Variants in IKZF3 observed in about 807,000 individuals in gnomAD.
The protein encoded by IKZF3 is zinc finger protein Aiolos.
Under a neutral mutation model 49.0 loss-of-function variants are expected in IKZF3, and 10 were observed. The observed-to-expected ratio is 0.20, with a 90% CI of 0.13 to 0.35. The LOEUF (loss-of-function observed/expected upper bound fraction) is 0.35. Ranked by LOEUF, IKZF3 falls within the 10% of genes least tolerant of loss-of-function variation. The pLI, the probability that IKZF3 is intolerant of heterozygous loss-of-function variation, is 1.00. For missense variants in IKZF3, 498 were observed against 664.8 expected (o/e 0.75, Z 2.76); for synonymous variants, 209 against 228.2 (o/e 0.92, Z 0.76).
intron 1 of IKZF3, among the ~76,000 whole-genome samples, chr17:39,839,893 T>G (rs987693931): frequency 2.6e-5 from 4 of 152,160 alleles, no homozygotes; most frequent in African/African-American, 9.7e-5. Context: ...CTCCTGGCCT[T>G]AAGGTAATCT....
At chr17:39,828,670 C>T (rs141336127) in intron 3 of IKZF3, among the ~76,000 whole-genome samples, 1 of 152,058 alleles carries the variant, frequency 6.6e-6, no homozygotes, top group African/African-American at 2.4e-5. Context: ...GTAACCTGTG[C>T]GGTCTACGCA....
intron 3 of IKZF3, among the ~76,000 whole-genome samples, chr17:39,812,574 C>T (rs2061584836): frequency 6.6e-6 from 1 of 152,200 alleles, no homozygotes; most frequent in Non-Finnish European, 1.5e-5. Context: ...TCTGGCACAC[C>T]ACTGGGACTC....
At chr17:39,855,539 CTA>C (rs1286628069) in intron 1 of IKZF3, among the ~76,000 whole-genome samples, 2 of 152,208 alleles carry the variant, frequency 1.3e-5, no homozygotes, top group Non-Finnish European at 2.9e-5. Flanking sequence ...CAATGGATAT[CTA>C]TAGAGTCCTT....
chr17:39,796,980 T>C (rs62074921), intron 3 of IKZF3, among the ~76,000 whole-genome samples: 150,796 of 151,050 alleles, frequency 1, 75,271 homozygotes, highest in Middle Eastern at 1. Flanking sequence ...CTGACTAACA[T>C]GGTGAAACCC....
At chr17:39,768,996 C>T (rs1284937079) in intron 7 of IKZF3, among the ~76,000 whole-genome samples, 1 of 152,160 alleles carries the variant, frequency 6.6e-6, no homozygotes, top group Non-Finnish European at 1.5e-5. Context: ...AGACAACTGG[C>T]ATCAAATTAA....
chr17:39,849,933 C>A (rs976508380), intron 1 of IKZF3, among the ~76,000 whole-genome samples: 2 of 150,970 alleles, frequency 1.3e-5, no homozygotes, highest in African/African-American at 2.4e-5. Context: ...GTAAACTGAT[C>A]CAACCACTTT....
intron 3 of IKZF3, among the ~76,000 whole-genome samples, chr17:39,807,796 T>C (rs1212304821): frequency 6.6e-6 from 1 of 152,114 alleles, no homozygotes; most frequent in Non-Finnish European, 1.5e-5. Context: ...ATATTACATA[T>C]GGTATTATTC....
chr17:39,830,277 G>C (rs1261732764), intron 2 of IKZF3, among the ~76,000 whole-genome samples: 1 of 152,148 alleles, frequency 6.6e-6, no homozygotes, highest in Non-Finnish European at 1.5e-5. Flanking sequence ...TGATTCTGTG[G>C]AAAACATATT....
chr17:39,816,183 A>G (rs1598096834), intron 3 of IKZF3, among the ~76,000 whole-genome samples: 4 of 152,296 alleles, frequency 2.6e-5, no homozygotes, highest in South Asian at 4.1e-4. Flanking sequence ...TAGTCTACAT[A>G]TGGTTTTATT....
At position 39,759,650 on chromosome 17, in the gene IKZF3, T is replaced by G. The variant is rs2060135952; in HGVS notation, c.*6140A>C. 1 of 152,232 alleles carries G rather than the reference T, an allele frequency of 6.6e-6. No individual in the cohort carries two copies. The highest frequency in any genetic ancestry group is 2.4e-5 in the African/African-American group (1 of 41,436). 9.4% of individuals were successfully genotyped at this position (152,232 alleles called of 1,614,324 possible). On this transcript the variant is annotated 3_prime_UTR_variant, in exon 8 of 8. Coordinates refer to ENST00000346872, the MANE Select transcript of IKZF3 (RefSeq NM_012481.5). ...GTCAGGAGTCCTGAACCCTGGCTTA[T>G]TCTCAGAACCATTCAGTCGTGCTGC...
At chr17:39,808,723 C>G (rs1426657860) in intron 3 of IKZF3, among the ~76,000 whole-genome samples, 1 of 152,156 alleles carries the variant, frequency 6.6e-6, no homozygotes, top group African/African-American at 2.4e-5. Context: ...ATTATCTTTT[C>G]TTTACAGTCT....
intron 1 of IKZF3, among the ~76,000 whole-genome samples, chr17:39,854,237 A>G (rs542408878): frequency 2.3e-4 from 35 of 152,328 alleles, no homozygotes; most frequent in African/African-American, 8.2e-4. Context: ...AGAAGACAGA[A>G]TAAGGTAGAT....
intron 7 of IKZF3, among the ~76,000 whole-genome samples, chr17:39,767,756 C>T (rs1313294057): frequency 3.3e-5 from 5 of 151,996 alleles, no homozygotes; most frequent in Non-Finnish European, 7.4e-5. Context: ...ATATAGAACT[C>T]GAGAAAAAGT....
intron 4 of IKZF3, among the ~76,000 whole-genome samples, chr17:39,791,830 G>C (rs1251149172): frequency 6.6e-6 from 1 of 150,998 alleles, no homozygotes; most frequent in Non-Finnish European, 1.5e-5. Context: ...AACAAGAGCA[G>C]CTCTAGAAGT....
intron 1 of IKZF3, among the ~76,000 whole-genome samples, chr17:39,863,845 C>T (rs770104517): frequency 1.3e-5 from 2 of 152,296 alleles, no homozygotes; most frequent in Admixed American, 6.5e-5. Context: ...CCCTTAAGTG[C>T]TCTTCCTCTG....
chr17:39,831,681 C>T (rs772830014), intron 2 of IKZF3, among the ~76,000 whole-genome samples: 11 of 152,078 alleles, frequency 7.2e-5, no homozygotes, highest in East Asian at 1.9e-4. Flanking sequence ...AAAAATAATA[C>T]GTGACAGAGA....
chr17:39,835,999 C>T, intron 1 of IKZF3: 1 of 636,374 alleles, frequency 1.6e-6, no homozygotes, highest in Non-Finnish European at 2.9e-6. Flanking sequence ...GACATGTTGT[C>T]CATGCTGCTC....
In IKZF3 at chr17:39,761,372, A is replaced by G. The variant is rs543904102; in HGVS notation, c.*4418T>C. On this transcript the variant is annotated 3_prime_UTR_variant, in exon 8 of 8. Transcript: ENST00000346872. ...GCTCACGGGAGAGACACTTCTATTT[A>G]GTTTTCTTTCCGTAGGAAGTACCGA... is the stretch of plus-strand genomic sequence containing the variant. 11 of 151,486 alleles carry G rather than the reference A, an allele frequency of 7.3e-5. No homozygotes were observed. The highest frequency in any genetic ancestry group is 2.4e-4 in the African/African-American group (10 of 41,272). 9.4% of individuals were successfully genotyped at this position (151,486 alleles called of 1,614,324 possible).
Position 39,845,421 on chromosome 17 carries a change from G to T in IKZF3, c.8-13270C>A, listed in dbSNP as rs540471595. Reference sequence around the variant, plus strand: ...GTGCCTATAATCCAGCTACTCAGGAGGGGGAGGCAGGAGAATCACTTGAAC... The same window carrying T: ...GTGCCTATAATCCAGCTACTCAGGATGGGGAGGCAGGAGAATCACTTGAAC... On this transcript the variant is annotated intron_variant, in intron 1 of 7. Transcript: ENST00000346872. 3.2e-4 allele frequency among the ~76,000 whole-genome samples: 49 copies of T among 152,062 alleles called. No individual in the cohort carries two copies. The South Asian group carries it at 6.0e-3, about 19-fold the overall frequency.
Sources: allele counts gnomAD v4.1 joint callset (sites outside exome capture counted in the v4.1 genomes callset), GRCh38; gene constraint gnomAD v4.1.1; transcripts MANE v1.5; gene names NCBI Gene and HGNC (gene_info 2026-07-23, HGNC 2026-07-21).